Variants in ANKRD17 observed in about 807,000 individuals in gnomAD.
ANKRD17 encodes ankyrin repeat domain-containing protein 17.
In ANKRD17, 19 loss-of-function variants were observed where a neutral mutation model predicts 229.7. The observed-to-expected ratio is 0.08, with a 90% CI of 0.06 to 0.12. The LOEUF (loss-of-function observed/expected upper bound fraction) is 0.12. ANKRD17 is among the 10% of genes least tolerant of loss of function. The pLI is 1.00. For missense variants in ANKRD17, 2,176 were observed against 3,176.8 expected, an observed-to-expected ratio of 0.68 and a Z score of 7.57; for synonymous variants, 1,112 against 1,146.1, an observed-to-expected ratio of 0.97 and a Z score of 0.60.
chr4:73,207,822 A>G (rs1376100979), intron 1 of ANKRD17, among the ~76,000 whole-genome samples: 3 of 152,220 alleles, frequency 2.0e-5, no homozygotes, highest in African/African-American at 7.2e-5. Context: ...CTCTACAATT[A>G]TATTTTGGAG....
At chr4:73,223,042 C>T (rs1013007948) in intron 1 of ANKRD17, 3 of 1,536,024 alleles carry the variant, frequency 2.0e-6, no homozygotes, top group Non-Finnish European at 1.7e-6. Context: ...TATCAAACTG[C>T]CATGTTTCTT....
At chr4:73,195,695 CAG>C (rs1471224393) in intron 1 of ANKRD17, among the ~76,000 whole-genome samples, 16 of 152,020 alleles carry the variant, frequency 1.1e-4, no homozygotes, top group East Asian at 3.9e-4. Flanking sequence ...TTTTAGTAGA[CAG>C]GGGGTTTCAC....
Position 73,258,697 on chromosome 4 carries a change from G to C in ANKRD17, c.-29C>G. On this transcript the variant is annotated 5_prime_UTR_variant, in exon 1 of 34. Coordinates refer to ENST00000358602, the MANE Select transcript of ANKRD17 (RefSeq NM_032217.5). The stretch of plus-strand genomic sequence containing the variant: ...CAGGGAAAGAGGGAGGGCGCGGACG[G>C]GGGAGGGGCGTGGGGCTACGCTCTA... 1 of 1,434,944 alleles carries C rather than the reference G, an allele frequency of 7.0e-7. No individual in the cohort carries two copies. The allele number at this position is 1,434,944 out of a possible 1,614,324, so 88.9% of individuals were successfully genotyped here. A position where few individuals can be genotyped will look rare whatever the true frequency, so the allele number is the denominator to read the frequency against.
chr4:73,208,483 A>C (rs1229725674), intron 1 of ANKRD17, among the ~76,000 whole-genome samples: 1 of 152,222 alleles, frequency 6.6e-6, no homozygotes, highest in Non-Finnish European at 1.5e-5. Flanking sequence ...GCCTTTCCCC[A>C]AAAGGGTTCC....
At chr4:73,181,970 C>T (rs1399361129) in intron 1 of ANKRD17, among the ~76,000 whole-genome samples, 1 of 131,274 alleles carries the variant, frequency 7.6e-6, no homozygotes, top group African/African-American at 2.9e-5. Flanking sequence ...ATCACTTAAA[C>T]CCGGGAGGTG....
intron 3 of ANKRD17, among the ~76,000 whole-genome samples, chr4:73,160,463 C>A (rs1159819230): frequency 6.6e-6 from 1 of 152,064 alleles, no homozygotes; most frequent in East Asian, 1.9e-4. Flanking sequence ...AGGTGATCCG[C>A]CCGCCTCGGC....
intron 1 of ANKRD17, among the ~76,000 whole-genome samples, chr4:73,222,042 T>G (rs1334229659): frequency 1.2e-4 from 18 of 152,140 alleles, no homozygotes; most frequent in South Asian, 2.1e-4. Context: ...CCTGAAGATG[T>G]GAAATAGTTA....
At chr4:73,141,980 A>G in intron 13 of ANKRD17, 137 bp from the exon 14 acceptor site, 3 of 871,822 alleles carry the variant, frequency 3.4e-6, no homozygotes, top group Non-Finnish European at 5.1e-6. Context: ...ATTTACTTAA[A>G]ATATGTTGGC....
chr4:73,226,252 G>A (rs985509444), intron 1 of ANKRD17, among the ~76,000 whole-genome samples: 1 of 152,042 alleles, frequency 6.6e-6, no homozygotes, highest in Admixed American at 6.6e-5. Context: ...TGGGATAACA[G>A]GCGTGAGCCA....
intron 25 of ANKRD17, chr4:73,099,283 A>C: frequency 1.8e-6 from 1 of 562,436 alleles, no homozygotes. Flanking sequence ...CCATCCTTCC[A>C]CCTGCACCCT....
chr4:73,077,435 C>G lies in ANKRD17; in HGVS notation c.7507G>C (p.Asp2503His). ...GAAGGAGTTACAATTCCTGTACTAT[C>G]TCGCTCCATTGCTTGATGTTGTGAA... ...VFSQHQAMER[D>H]STGIVTPSGT... Residue 2503 changes from aspartate (D) to histidine (H), a missense_variant, in exon 32 of 34, where the codon GAT becomes CAT. Physicochemically the swap from Asp to His is moderately conservative, Grantham distance 81. This residue lies in a region of ANKRD17 where 159 missense variants were observed against 214.3 expected (regional missense o/e 0.74). Coordinates refer to ENST00000358602, the MANE Select transcript of ANKRD17 (RefSeq NM_032217.5). The G allele has an allele frequency of 6.2e-7, 1 of 1,613,916 alleles. No individual in the cohort carries two copies. Among genetic ancestry groups the G allele is most frequent in the Non-Finnish European group, 8.5e-7 (1 of 1,179,884 alleles).
chr4:73,098,657 C>T (rs1037439367), intron 25 of ANKRD17, 137 bp from the exon 26 acceptor site: 4 of 883,164 alleles, frequency 4.5e-6, no homozygotes, highest in East Asian at 2.6e-5. Flanking sequence ...TCACATTCAT[C>T]GGTAATGAGC....
chr4:73,193,441 G>A (rs757746976), intron 1 of ANKRD17, among the ~76,000 whole-genome samples: 1 of 152,136 alleles, frequency 6.6e-6, no homozygotes, highest in African/African-American at 2.4e-5. Flanking sequence ...AGACTTTTAC[G>A]TGACACCACT....
intron 20 of ANKRD17, 52 bp downstream of exon 20, chr4:73,120,829 T>C: frequency 6.6e-7 from 1 of 1,509,454 alleles, no homozygotes; most frequent in Non-Finnish European, 9.1e-7. Flanking sequence ...CTACTATATA[T>C]CTTAAATATC....
At chr4:73,152,633 C>A (rs539819014) in intron 6 of ANKRD17, among the ~76,000 whole-genome samples, 45 of 152,202 alleles carry the variant, frequency 3.0e-4, no homozygotes, top group African/African-American at 9.2e-4. Flanking sequence ...CAAGCAAAGG[C>A]GAGAGGGCAG....
At chr4:73,240,270 A>C (rs1177227238) in intron 1 of ANKRD17, among the ~76,000 whole-genome samples, 1 of 152,076 alleles carries the variant, frequency 6.6e-6, no homozygotes, top group Non-Finnish European at 1.5e-5. Context: ...GAGAAAAGAA[A>C]AAAAAATGTC....
intron 13 of ANKRD17, 70 bp from the exon 14 acceptor site, chr4:73,141,913 G>T: frequency 8.9e-7 from 1 of 1,117,724 alleles, no homozygotes; most frequent in Non-Finnish European, 1.3e-6. Context: ...TCTAAATAAA[G>T]AATAAATTAG....
intron 2 of ANKRD17, among the ~76,000 whole-genome samples, chr4:73,172,952 T>G (rs1042473972): frequency 1.3e-5 from 2 of 152,184 alleles, no homozygotes; most frequent in Non-Finnish European, 1.5e-5. Flanking sequence ...GAGTAAGTCT[T>G]CACTTATCAG....
At chr4:73,168,486 T>C (rs999688899) in intron 2 of ANKRD17, among the ~76,000 whole-genome samples, 1 of 152,324 alleles carries the variant, frequency 6.6e-6, no homozygotes, top group Non-Finnish European at 1.5e-5. Context: ...ACATTGTTCC[T>C]ATGGGGATAA....
Sources: allele counts gnomAD v4.1 joint callset (sites outside exome capture counted in the v4.1 genomes callset), GRCh38; gene constraint gnomAD v4.1.1; regional missense constraint gnomAD v4.1.1; transcripts MANE v1.5; gene names NCBI Gene and HGNC (gene_info 2026-07-23, HGNC 2026-07-21).